SORT1: variants seen among roughly 807,000 people sequenced by gnomAD.
SORT1 encodes the protein sortilin 1.
In SORT1, 39 loss-of-function variants were observed where a neutral mutation model predicts 101.7. That is an observed-to-expected ratio of 0.38 (90% CI 0.30 to 0.50). The LOEUF (loss-of-function observed/expected upper bound fraction) is 0.50. Ranked by LOEUF, SORT1 falls within the 20% of genes least tolerant of loss-of-function variation. The pLI, the probability that SORT1 is intolerant of heterozygous loss-of-function variation, is 0.90. For missense variants in SORT1, 878 were observed against 1,040.4 expected (o/e 0.84, Z 2.15); for synonymous variants, 396 against 393.7 (o/e 1.01, Z -0.07).
At chr1:109,338,445 T>TA (rs1410914804) in intron 10 of SORT1, among the ~76,000 whole-genome samples, 1 of 152,150 alleles carries the variant, frequency 6.6e-6, no homozygotes, top group African/African-American at 2.4e-5. Flanking sequence ...AATAAATATA[T>TA]AAATAAAATG....
At chr1:109,353,527 C>T (rs55741863) in intron 5 of SORT1, among the ~76,000 whole-genome samples, 6,708 of 151,878 alleles carry the variant, frequency 0.044, 502 homozygotes, top group African/African-American at 0.15. Context: ...GTTTTGGACC[C>T]CAAAACAGTC....
intron 3 of SORT1, among the ~76,000 whole-genome samples, chr1:109,364,776 T>G (rs1362998779): frequency 6.6e-6 from 1 of 152,226 alleles, no homozygotes. Context: ...CAGTACCTGC[T>G]GGCTACATGC....
chr1:109,391,808 A>G (rs962789192), intron 1 of SORT1, among the ~76,000 whole-genome samples: 1 of 152,226 alleles, frequency 6.6e-6, no homozygotes, highest in Non-Finnish European at 1.5e-5. Context: ...AGCCCCATTA[A>G]TCCTCAAATC....
intron 5 of SORT1, among the ~76,000 whole-genome samples, chr1:109,352,600 C>G (rs981338090): frequency 6.6e-6 from 1 of 152,196 alleles, no homozygotes; most frequent in Non-Finnish European, 1.5e-5. Flanking sequence ...CTCCTGTACT[C>G]TCACCCACCA....
intron 1 of SORT1, among the ~76,000 whole-genome samples, chr1:109,375,169 C>G (rs202003418): frequency 1.3e-5 from 2 of 152,140 alleles, no homozygotes; most frequent in East Asian, 3.8e-4. Flanking sequence ...TACAGCTCAG[C>G]GATGGCTCTG....
intron 3 of SORT1, among the ~76,000 whole-genome samples, 159 bp from the exon 4 acceptor site, chr1:109,355,628 C>T (rs1475344187): frequency 3.8e-5 from 5 of 132,028 alleles, no homozygotes; most frequent in East Asian, 2.5e-4. Context: ...CTGGTGAGTC[C>T]GAAGAACATT....
rs1653297975 is a variant in SORT1, at chr1:109,397,893, C to CGCCGCCGAAT, written c.-11_-2dup. 2 of 1,162,696 alleles carry CGCCGCCGAAT rather than the reference C, an allele frequency of 1.7e-6. No individual in the cohort carries two copies. The highest frequency in any genetic ancestry group is 1.1e-6 in the Non-Finnish European group (1 of 944,542). 72.0% of individuals were successfully genotyped at this position (1,162,696 alleles called of 1,614,324 possible). ...CCGCAGCTCCCCAGGGCCGCTCCAT[C>CGCCGCCGAAT]GCCGCCGAATGCCGCCGACGCCGAC... On this transcript the variant is annotated 5_prime_UTR_variant, in exon 1 of 20. Transcript: ENST00000256637.
chr1:109,331,455 G>A (rs1039690424), intron 11 of SORT1, among the ~76,000 whole-genome samples: 1 of 151,690 alleles, frequency 6.6e-6, no homozygotes, highest in Non-Finnish European at 1.5e-5. Context: ...AGGTATAAAA[G>A]GGATATACCT....
rs1011636329 is a variant in SORT1, at chr1:109,395,130, C to CT, written c.306+2456dup. On this transcript the variant is annotated intron_variant, in intron 1 of 19. Transcript: ENST00000256637. ...TAAATGATATTAAACAAAGGCTCCACTTTTTTTTTTTTTAACCAGATACAG... is the reference window on the plus strand; with the variant it reads ...TAAATGATATTAAACAAAGGCTCCACTTTTTTTTTTTTTTAACCAGATACAG... Among the ~76,000 whole-genome samples the CT allele has an allele frequency of 5.0e-3, 635 of 127,814 alleles. 4 individuals carry two copies. The highest frequency in any genetic ancestry group is 0.043 in the East Asian group (190 of 4,442). The allele number at this position is 127,814 out of a possible 152,430, so 83.9% of individuals were successfully genotyped here.
At chr1:109,352,293 G>C (rs906669528) in intron 5 of SORT1, among the ~76,000 whole-genome samples, 7 of 152,110 alleles carry the variant, frequency 4.6e-5, no homozygotes, top group African/African-American at 1.7e-4. Flanking sequence ...TAGCTAAATG[G>C]TAAGAGTGGA....
In SORT1 at chr1:109,374,348, G is replaced by A. The variant is rs913023882; in HGVS notation, c.307-4759C>T. 4.6e-5 allele frequency among the ~76,000 whole-genome samples: 7 copies of A among 151,382 alleles called. No individual in the cohort carries two copies. In the East Asian group the frequency reaches 1.2e-3, roughly 25 times the overall value. On this transcript the variant is annotated intron_variant, in intron 1 of 19. Coordinates refer to ENST00000256637, the MANE Select transcript of SORT1 (RefSeq NM_002959.7). ...AGCATTTTGGGAGGCCAAGGTGGGC[G>A]GATCACTTGAGGTCAAGAGTTCGAG... is the stretch of plus-strand genomic sequence containing the variant.
At position 109,314,061 on chromosome 1, in the gene SORT1, A is replaced by C. The variant is rs1431177187; in HGVS notation, c.2482-4T>G. ...TGAAGAGCTATTCCAAGAGGTCCTG[A>C]AAAAGACATGCACCATATTACCGAC... On this transcript the variant is annotated splice_polypyrimidine_tract_variant and splice_region_variant and intron_variant, in intron 19 of 19. Transcript: ENST00000256637. 1 of 1,613,890 alleles carries C rather than the reference A, an allele frequency of 6.2e-7. No individual in the cohort carries two copies. Among genetic ancestry groups the C allele is most frequent in the Non-Finnish European group, 8.5e-7 (1 of 1,179,770 alleles).
intron 3 of SORT1, among the ~76,000 whole-genome samples, chr1:109,356,245 T>C (rs935712201): frequency 9.2e-5 from 14 of 152,162 alleles, no homozygotes; most frequent in African/African-American, 3.1e-4. Flanking sequence ...GCCAGCGATG[T>C]TGCCAAACAT....
intron 9 of SORT1, among the ~76,000 whole-genome samples, 175 bp downstream of exon 9, chr1:109,341,839 C>A (rs747526301): frequency 3.3e-5 from 5 of 152,182 alleles, no homozygotes; most frequent in Non-Finnish European, 7.3e-5. Context: ...TACACACAAG[C>A]TACCAAAACA....
intron 3 of SORT1, 121 bp from the exon 4 acceptor site, chr1:109,355,590 T>C: frequency 1.8e-6 from 1 of 545,284 alleles, no homozygotes; most frequent in Non-Finnish European, 3.3e-6. Flanking sequence ...TCACCCTGAA[T>C]AGCCACATTC....
At position 109,340,728 on chromosome 1, in the gene SORT1, G is replaced by C; in HGVS notation, c.1260C>G (p.Ser420=). Residue 420 remains serine, a synonymous_variant, in exon 10 of 20, where the codon TCC becomes TCG. Transcript: ENST00000256637. Reference sequence around the variant, plus strand: ...CACTGCGATGCCGAGACTCACCTTCGGAGAGCACGCTTGTTATGTAGACGC... The same window carrying C: ...CACTGCGATGCCGAGACTCACCTTCCGAGAGCACGCTTGTTATGTAGACGC... The part of the protein sequence containing the change: ...LRGVYITSVL[S]EDNSIQTMIT... 6.2e-7 allele frequency: 1 copy of C among 1,614,050 alleles called. No homozygotes were observed. The highest frequency in any genetic ancestry group is 2.2e-5 in the East Asian group (1 of 44,888).
At chr1:109,357,105 T>C (rs1424671953) in intron 3 of SORT1, among the ~76,000 whole-genome samples, 2 of 152,244 alleles carry the variant, frequency 1.3e-5, no homozygotes, top group Non-Finnish European at 2.9e-5. Flanking sequence ...TGTTTAAATA[T>C]ACAGATACTT....
At chr1:109,332,682 CT>C (rs1214491201) in intron 11 of SORT1, among the ~76,000 whole-genome samples, 2 of 152,096 alleles carry the variant, frequency 1.3e-5, no homozygotes, top group African/African-American at 4.8e-5. Flanking sequence ...AAGAACAAAG[CT>C]GGGGGTATCA....
At chr1:109,392,199 C>G (rs1174623768) in intron 1 of SORT1, among the ~76,000 whole-genome samples, 1 of 152,106 alleles carries the variant, frequency 6.6e-6, no homozygotes, top group South Asian at 2.1e-4. Context: ...GTTACTCCCC[C>G]GTCCTGACCA....
Sources: allele counts gnomAD v4.1 joint callset (sites outside exome capture counted in the v4.1 genomes callset), GRCh38; gene constraint gnomAD v4.1.1; transcripts MANE v1.5; gene names NCBI Gene and HGNC (gene_info 2026-07-23, HGNC 2026-07-21).